The following TOX variants were observed in gnomAD, a reference collection of about 807,000 sequenced individuals.
TOX encodes thymocyte selection-associated high mobility group box protein TOX.
A neutral mutation model predicts 53.7 loss-of-function variants in TOX; 11 were observed. That is an observed-to-expected ratio of 0.20 (90% CI 0.13 to 0.34). The LOEUF (loss-of-function observed/expected upper bound fraction) is 0.34, where lower values mean the gene tolerates loss of function less well. Ranked by LOEUF, TOX falls within the 10% of genes least tolerant of loss-of-function variation. The pLI is 1.00. For synonymous variants in TOX, 225 were observed against 245.3 expected, an observed-to-expected ratio of 0.92 and a Z score of 0.77; for missense variants, 570 against 664.6, an observed-to-expected ratio of 0.86 and a Z score of 1.56.
chr8:58,822,941 C>T (rs1810306322), intron 6 of TOX, among the ~76,000 whole-genome samples: 1 of 152,136 alleles, frequency 6.6e-6, no homozygotes, highest in Non-Finnish European at 1.5e-5. Context: ...TCCTACTGTG[C>T]AGGTTTGCTG....
chr8:59,074,009 A>T (rs1471894470), intron 1 of TOX, among the ~76,000 whole-genome samples: 2 of 152,150 alleles, frequency 1.3e-5, no homozygotes, highest in African/African-American at 4.8e-5. Flanking sequence ...CATTGTCCAG[A>T]TAATAATTTC....
chr8:59,091,442 AC>A (rs893934781), intron 1 of TOX, among the ~76,000 whole-genome samples: 4 of 151,114 alleles, frequency 2.6e-5, no homozygotes. Flanking sequence ...TCCTCTATTC[AC>A]CCCTTAAAAC....
At chr8:58,980,638 C>G (rs1161722513) in intron 1 of TOX, among the ~76,000 whole-genome samples, 1 of 152,158 alleles carries the variant, frequency 6.6e-6, no homozygotes, top group Non-Finnish European at 1.5e-5. Flanking sequence ...CATATTCCTA[C>G]AAAGTGGAAG....
intron 7 of TOX, among the ~76,000 whole-genome samples, chr8:58,813,094 C>T (rs552368989): frequency 6.6e-6 from 1 of 152,300 alleles, no homozygotes. Flanking sequence ...ACTAACAGAA[C>T]TGACTTAAAG....
chr8:59,091,750 A>G (rs1180566719), intron 1 of TOX, among the ~76,000 whole-genome samples: 1 of 152,048 alleles, frequency 6.6e-6, no homozygotes, highest in Non-Finnish European at 1.5e-5. Context: ...CTGGCATCCA[A>G]CCAAGCATCT....
intron 1 of TOX, among the ~76,000 whole-genome samples, chr8:59,000,102 CT>C (rs1444553574): frequency 2.0e-5 from 3 of 152,016 alleles, no homozygotes; most frequent in Admixed American, 1.3e-4. Flanking sequence ...TACATCATGT[CT>C]TTTTAGGGGT....
At chr8:58,839,722 A>G (rs1367223344) in intron 4 of TOX, among the ~76,000 whole-genome samples, 1 of 152,088 alleles carries the variant, frequency 6.6e-6, no homozygotes, top group African/African-American at 2.4e-5. Flanking sequence ...CTCACCTTCT[A>G]TTGTGGTGGT....
chr8:59,074,919 T>C (rs771121263), intron 1 of TOX, among the ~76,000 whole-genome samples: 19 of 152,162 alleles, frequency 1.2e-4, no homozygotes, highest in Non-Finnish European at 2.4e-4. Flanking sequence ...AAAATTAAAT[T>C]GTCACTAAGG....
chr8:59,085,979 CTTTTTTT>C (rs35593177), intron 1 of TOX, among the ~76,000 whole-genome samples: 7 of 88,836 alleles, frequency 7.9e-5, no homozygotes, highest in Non-Finnish European at 1.1e-4. Flanking sequence ...CTTTTCTTTT[CTTTTTTT>C]TTTTTTTTTT....
chr8:58,900,379 G>A (rs1448541), intron 3 of TOX, among the ~76,000 whole-genome samples: 83,865 of 151,822 alleles, frequency 0.55, 23,639 homozygotes, highest in African/African-American at 0.66. Flanking sequence ...GTACAGCAAG[G>A]TAAAAACATA....
At chr8:58,939,202 C>T in intron 3 of TOX, 100 bp downstream of exon 3, 1 of 1,436,040 alleles carries the variant, frequency 7.0e-7, no homozygotes, top group South Asian at 1.4e-5. Flanking sequence ...GAAACAGTTT[C>T]AGAATGCTAT....
chr8:59,090,940 C>A (rs1024972209), intron 1 of TOX, among the ~76,000 whole-genome samples: 9 of 152,180 alleles, frequency 5.9e-5, no homozygotes, highest in African/African-American at 1.9e-4. Context: ...CAGTCCCACC[C>A]CAGCCTCAGT....
intron 3 of TOX, among the ~76,000 whole-genome samples, chr8:58,896,194 G>A (rs1811642059): frequency 1.3e-5 from 2 of 152,030 alleles, no homozygotes; most frequent in African/African-American, 4.8e-5. Flanking sequence ...TCAGGCCATG[G>A]CCAGCCCACA....
rs754228465 is a variant in TOX, at chr8:58,926,543, A to T, written c.411+12759T>A. 1.6e-4 allele frequency among the ~76,000 whole-genome samples: 25 copies of T among 152,238 alleles called. 1 individual carries two copies. Among genetic ancestry groups the T allele is most frequent in the Non-Finnish European group, 3.5e-4 (24 of 68,050 alleles). On this transcript the variant is annotated intron_variant, in intron 3 of 8. Transcript: ENST00000361421. ...GTTTTGAGAGGGGACAAACTGATAT[A>T]AACACATTAGAAAAAGTAGCAGGAA...
At chr8:58,948,636 A>G (rs961474063) in intron 2 of TOX, among the ~76,000 whole-genome samples, 1 of 152,204 alleles carries the variant, frequency 6.6e-6, no homozygotes, top group Non-Finnish European at 1.5e-5. Flanking sequence ...CATCTTCCAT[A>G]TTCAATGTTT....
intron 3 of TOX, among the ~76,000 whole-genome samples, chr8:58,933,649 C>T (rs1017729785): frequency 3.3e-5 from 5 of 151,992 alleles, no homozygotes; most frequent in Admixed American, 1.3e-4. Context: ...ATGACAAACC[C>T]GGTGAGTCTC....
intron 1 of TOX, among the ~76,000 whole-genome samples, chr8:59,033,823 T>C (rs1047192829): frequency 6.6e-6 from 1 of 152,204 alleles, no homozygotes; most frequent in Non-Finnish European, 1.5e-5. Context: ...TGATCTATTC[T>C]AGAGAATGTG....
intron 1 of TOX, among the ~76,000 whole-genome samples, chr8:58,984,751 C>G (rs895655320): frequency 2.2e-5 from 3 of 139,214 alleles, no homozygotes; most frequent in African/African-American, 8.2e-5. Flanking sequence ...CCACTGCACT[C>G]CAGCCTGGGC....
intron 1 of TOX, among the ~76,000 whole-genome samples, chr8:58,985,187 T>C (rs1005345246): frequency 6.6e-6 from 1 of 151,292 alleles, no homozygotes; most frequent in Admixed American, 6.6e-5. Context: ...ATATATATCA[T>C]ACTCATGTCC....
Sources: allele counts gnomAD v4.1 joint callset (sites outside exome capture counted in the v4.1 genomes callset), GRCh38; gene constraint gnomAD v4.1.1; transcripts MANE v1.5; gene names NCBI Gene and HGNC (gene_info 2026-07-23, HGNC 2026-07-21).